The following UBE2E2 variants were observed in gnomAD, a reference collection of about 807,000 sequenced individuals.
UBE2E2 encodes ubiquitin-conjugating enzyme E2 E2.
Under a neutral mutation model 24.7 loss-of-function variants are expected in UBE2E2, and 6 were observed. That is an observed-to-expected ratio of 0.24 (90% confidence interval 0.13 to 0.48). The LOEUF is 0.48. UBE2E2 is among the 20% of genes least tolerant of loss of function. UBE2E2 has a pLI of 0.99. For synonymous variants in UBE2E2, 104 were observed against 83.6 expected (o/e 1.24, Z -1.33); for missense variants, 169 against 245.0 (o/e 0.69, Z 2.07).
chr3:23,436,187 T>A (rs1393710233), intron 3 of UBE2E2, among the ~76,000 whole-genome samples: 1 of 103,434 alleles, frequency 9.7e-6, no homozygotes, highest in Non-Finnish European at 2.1e-5. Context: ...CTGGGTTAGA[T>A]CATTCAAGGC....
intron 3 of UBE2E2, among the ~76,000 whole-genome samples, chr3:23,245,753 A>C (rs922025793): frequency 6.6e-6 from 1 of 152,186 alleles, no homozygotes; most frequent in African/African-American, 2.4e-5. Flanking sequence ...TTATCTTAGC[A>C]TCTTAAACCT....
chr3:23,532,018 C>T (rs901058260), intron 4 of UBE2E2, among the ~76,000 whole-genome samples: 2 of 149,568 alleles, frequency 1.3e-5, no homozygotes, highest in Non-Finnish European at 3.0e-5. Context: ...GCAAAGATCA[C>T]GCCACTGCAC....
In UBE2E2 at chr3:23,442,840, A is replaced by C. The variant is rs947140442; in HGVS notation, c.228-56768A>C. 5.9e-5 allele frequency among the ~76,000 whole-genome samples: 9 copies of C among 152,300 alleles called. No individual in the cohort carries two copies. The South Asian group carries it at 1.9e-3, about 32-fold the overall frequency. On this transcript the variant is annotated intron_variant, in intron 3 of 5. Coordinates refer to ENST00000396703, the MANE Select transcript of UBE2E2 (RefSeq NM_152653.4). Reference sequence around the variant, plus strand: ...GTAGCTCTGCCTGGGGTTTCCCCTCAGAGGAATGTGGTTTGAAAAACTTCC... The same window carrying C: ...GTAGCTCTGCCTGGGGTTTCCCCTCCGAGGAATGTGGTTTGAAAAACTTCC...
rs538459141 is a variant in UBE2E2, at chr3:23,399,352, A to T, written c.228-100256A>T. ...ACACTGAGATATCCTGATAACTGAGATCTGGTAACTGAGATGGCTGCCTAA... is the reference window on the plus strand; with the variant it reads ...ACACTGAGATATCCTGATAACTGAGTTCTGGTAACTGAGATGGCTGCCTAA... On this transcript the variant is annotated intron_variant, in intron 3 of 5. Transcript: ENST00000396703. Among the ~76,000 whole-genome samples the T allele has an allele frequency of 5.6e-4, 86 of 152,308 alleles. No individual in the cohort carries two copies. In the South Asian group the frequency reaches 0.017, roughly 30 times the overall value.
chr3:23,287,122 G>T (rs574832649), intron 3 of UBE2E2, among the ~76,000 whole-genome samples: 3 of 151,950 alleles, frequency 2.0e-5, no homozygotes, highest in South Asian at 4.2e-4. Flanking sequence ...TCAGTTTTTT[G>T]ATGGTTTTTA....
intron 5 of UBE2E2, among the ~76,000 whole-genome samples, chr3:23,574,939 T>C (rs1696312717): frequency 6.6e-6 from 1 of 152,148 alleles, no homozygotes; most frequent in South Asian, 2.1e-4. Context: ...TGCTCCAAAA[T>C]CTGAAACTTT....
intron 3 of UBE2E2, chr3:23,323,457 G>A (rs899201300): frequency 3.6e-5 from 15 of 414,994 alleles, no homozygotes; most frequent in South Asian, 1.8e-4. Context: ...TAAGTAATAC[G>A]GGGTGAGCAT....
At chr3:23,332,192 A>G (rs1279337668) in intron 3 of UBE2E2, among the ~76,000 whole-genome samples, 2 of 152,118 alleles carry the variant, frequency 1.3e-5, no homozygotes, top group East Asian at 3.9e-4. Context: ...CGCCCAGGCA[A>G]GAGTACAGAG....
chr3:23,363,760 A>G (rs1242086101), intron 3 of UBE2E2, among the ~76,000 whole-genome samples: 1 of 152,188 alleles, frequency 6.6e-6, no homozygotes, highest in Non-Finnish European at 1.5e-5. Context: ...TAACAAAGAT[A>G]TTCAGAACCA....
chr3:23,272,385 C>T (rs534409651), intron 3 of UBE2E2, among the ~76,000 whole-genome samples: 1 of 151,594 alleles, frequency 6.6e-6, no homozygotes, highest in Admixed American at 6.6e-5. Context: ...CCGTGCCTCT[C>T]CTTCCACACC....
chr3:23,273,507 G>C (rs9820931), intron 3 of UBE2E2, among the ~76,000 whole-genome samples: 2 of 150,130 alleles, frequency 1.3e-5, no homozygotes, highest in Non-Finnish European at 3.0e-5. Context: ...CTCCAGCCTG[G>C]GCGACAGAGC....
chr3:23,243,127 C>G (rs1202006605), intron 3 of UBE2E2, among the ~76,000 whole-genome samples: 1 of 151,654 alleles, frequency 6.6e-6, no homozygotes, highest in Non-Finnish European at 1.5e-5. Flanking sequence ...ATAGTTATCA[C>G]TGAATAGAAA....
chr3:23,386,839 T>C (rs1696814846), intron 3 of UBE2E2, among the ~76,000 whole-genome samples: 2 of 152,378 alleles, frequency 1.3e-5, no homozygotes, highest in African/African-American at 4.8e-5. Context: ...ATTTTAGATT[T>C]GCTGGCCATT....
At position 23,244,623 on chromosome 3, in the gene UBE2E2, A is replaced by G. The variant is rs150506744; in HGVS notation, c.227+27311A>G. Among the ~76,000 whole-genome samples the G allele has an allele frequency of 8.4e-4, 128 of 152,266 alleles. 1 individual carries two copies. The highest frequency in any genetic ancestry group is 2.9e-3 in the African/African-American group (120 of 41,578). On this transcript the variant is annotated intron_variant, in intron 3 of 5. Transcript: ENST00000396703. ...ACATAGCAATGTGTGAGGCTGGCCA[A>G]TTGTAATAATGCCTTTATTGGGTGG... is the stretch of plus-strand genomic sequence containing the variant.
At chr3:23,408,579 C>G (rs965739780) in intron 3 of UBE2E2, among the ~76,000 whole-genome samples, 10 of 152,104 alleles carry the variant, frequency 6.6e-5, no homozygotes, top group African/African-American at 2.4e-4. Context: ...GGTCATAAAT[C>G]TTCTTGCTAA....
chr3:23,458,528 C>G (rs1274392649), intron 3 of UBE2E2, among the ~76,000 whole-genome samples: 2 of 152,086 alleles, frequency 1.3e-5, no homozygotes, highest in African/African-American at 4.8e-5. Context: ...CACCATGCTC[C>G]TGCCTCAGCC....
chr3:23,236,434 G>C (rs916378936), intron 3 of UBE2E2, among the ~76,000 whole-genome samples: 1 of 150,690 alleles, frequency 6.6e-6, no homozygotes, highest in Non-Finnish European at 1.5e-5. Context: ...TCTGAATGTT[G>C]TCCAGTCAGG....
At chr3:23,372,229 C>T (rs1437203369) in intron 3 of UBE2E2, among the ~76,000 whole-genome samples, 1 of 152,152 alleles carries the variant, frequency 6.6e-6, no homozygotes, top group African/African-American at 2.4e-5. Flanking sequence ...CAGGAAAAAG[C>T]ACACTCCTAA....
At chr3:23,210,059 C>G (rs1013720401) in intron 2 of UBE2E2, among the ~76,000 whole-genome samples, 18 of 152,026 alleles carry the variant, frequency 1.2e-4, no homozygotes, top group Admixed American at 6.6e-4. Flanking sequence ...GTTTGCCAGA[C>G]CACAACACAA....
Sources: gnomAD v4.1 joint callset for allele counts (sites outside exome capture counted in the v4.1 genomes callset) on GRCh38, gnomAD v4.1.1 for gene constraint, MANE v1.5 for transcripts, NCBI Gene and HGNC (gene_info 2026-07-23, HGNC 2026-07-21) for gene names.